GPR180: variants seen among roughly 807,000 people sequenced by gnomAD.
The protein encoded by GPR180 is integral membrane protein GPR180.
GPR180 carries 53 observed loss-of-function variants against 52.6 expected under a neutral mutation model. That is an observed-to-expected ratio of 1.01 (90% CI 0.81 to 1.27). GPR180 has a LOEUF of 1.27. GPR180 is among the 50% of genes most tolerant of loss of function. The pLI is 0.00. For missense variants in GPR180, 533 were observed against 527.0 expected, an observed-to-expected ratio of 1.01 and a Z score of -0.11; for synonymous variants, 200 against 193.1, an observed-to-expected ratio of 1.04 and a Z score of -0.30.
At chr13:94,624,305 C>T (rs945278772) in intron 7 of GPR180, among the ~76,000 whole-genome samples, 2 of 152,192 alleles carry the variant, frequency 1.3e-5, no homozygotes, top group Non-Finnish European at 2.9e-5. Flanking sequence ...TTCAGGCAGC[C>T]CACCTTGTCC....
rs1322821161 is a variant in GPR180 at position 94,628,381 on chromosome 13, T to C, written c.*1210T>C. The C allele has an allele frequency of 6.6e-6, 1 of 152,090 alleles. No homozygotes were observed. The highest frequency in any genetic ancestry group is 1.5e-5 in the Non-Finnish European group (1 of 67,926). 9.4% of individuals were successfully genotyped at this position (152,090 alleles called of 1,614,324 possible). A position where few individuals can be genotyped will look rare whatever the true frequency, so the allele number is the denominator to read the frequency against. The stretch of plus-strand genomic sequence containing the variant: ...GATTGGAAATTATTCTGTTGCTGTT[T>C]GTCAAGCTGTTCAGGCCTTTTCCTT... On this transcript the variant is annotated 3_prime_UTR_variant, in exon 9 of 9. Transcript: ENST00000376958.
intron 2 of GPR180, among the ~76,000 whole-genome samples, chr13:94,609,568 T>C (rs1296667361): frequency 1.3e-5 from 2 of 152,106 alleles, no homozygotes; most frequent in African/African-American, 2.4e-5. Flanking sequence ...GGGCAAATGA[T>C]AAAAATGGCA....
At chr13:94,609,528 GT>G (rs1447398283) in intron 2 of GPR180, among the ~76,000 whole-genome samples, 1 of 151,790 alleles carries the variant, frequency 6.6e-6, no homozygotes, top group Non-Finnish European at 1.5e-5. Flanking sequence ...AAAAGTGTGG[GT>G]TTTTTTTATA....
At chr13:94,603,936 CT>C (rs891958822) in intron 1 of GPR180, among the ~76,000 whole-genome samples, 21 of 151,544 alleles carry the variant, frequency 1.4e-4, no homozygotes, top group African/African-American at 4.6e-4. Context: ...TCTGAAAGTT[CT>C]TTTTTTTTAA....
At chr13:94,611,852 C>T (rs1239310851) in intron 2 of GPR180, among the ~76,000 whole-genome samples, 1 of 151,352 alleles carries the variant, frequency 6.6e-6, no homozygotes, top group Non-Finnish European at 1.5e-5. Flanking sequence ...GAGGAGGCCC[C>T]TCCCATCGCT....
chr13:94,605,597 C>T, intron 2 of GPR180, 48 bp downstream of exon 2: 1 of 1,512,890 alleles, frequency 6.6e-7, no homozygotes, highest in East Asian at 2.3e-5. Context: ...TTTTTTTCCT[C>T]CTAATGTTGA....
At chr13:94,626,450 G>A (rs554753202) in intron 8 of GPR180, among the ~76,000 whole-genome samples, 1 of 152,150 alleles carries the variant, frequency 6.6e-6, no homozygotes, top group Non-Finnish European at 1.5e-5. Flanking sequence ...TTTTGATTGT[G>A]TTGATACCTA....
intron 3 of GPR180, 40 bp from the exon 4 acceptor site, chr13:94,619,110 T>A: frequency 6.5e-7 from 1 of 1,547,972 alleles, no homozygotes; most frequent in Non-Finnish European, 8.8e-7. Context: ...GATAACTGGC[T>A]TTGTTTTACT....
intron 7 of GPR180, among the ~76,000 whole-genome samples, chr13:94,625,752 G>A (rs1257782564): frequency 1.3e-5 from 2 of 152,014 alleles, no homozygotes; most frequent in Non-Finnish European, 1.5e-5. Flanking sequence ...ATAAACATAA[G>A]ATTATAAATA....
At chr13:94,625,561 A>G (rs1449426965) in intron 7 of GPR180, among the ~76,000 whole-genome samples, 6 of 152,158 alleles carry the variant, frequency 3.9e-5, no homozygotes, top group Admixed American at 2.6e-4. Context: ...ACAGGTAACG[A>G]CTATTAATGT....
chr13:94,626,129 ATTT>A, intron 8 of GPR180, 86 bp downstream of exon 8: 1 of 828,408 alleles, frequency 1.2e-6, no homozygotes, highest in African/African-American at 1.7e-5. Flanking sequence ...GGACCTATTT[ATTT>A]TTTAAGACAT....
intron 2 of GPR180, among the ~76,000 whole-genome samples, chr13:94,609,514 T>C (rs1364976367): frequency 6.6e-6 from 1 of 152,150 alleles, no homozygotes; most frequent in East Asian, 1.9e-4. Context: ...AAAAATATAT[T>C]GGTAAAAGTG....
At chr13:94,617,037 T>C (rs1286221549) in intron 3 of GPR180, among the ~76,000 whole-genome samples, 2 of 152,226 alleles carry the variant, frequency 1.3e-5, no homozygotes, top group Non-Finnish European at 2.9e-5. Context: ...TAGCTTTTTC[T>C]GGAAGATTAT....
intron 2 of GPR180, among the ~76,000 whole-genome samples, chr13:94,607,732 T>A (rs939611610): frequency 1.3e-5 from 2 of 152,192 alleles, no homozygotes; most frequent in South Asian, 4.1e-4. Context: ...CAAAATGTCC[T>A]TAAGGCTGGT....
intron 1 of GPR180, among the ~76,000 whole-genome samples, chr13:94,604,345 A>C (rs150711482): frequency 1.3e-4 from 2 of 15,318 alleles, no homozygotes; most frequent in African/African-American, 4.1e-3. Context: ...AAAATAAATT[A>C]AAAAAAAAAA....
At chr13:94,604,242 G>T (rs1889599954) in intron 1 of GPR180, among the ~76,000 whole-genome samples, 1 of 152,252 alleles carries the variant, frequency 6.6e-6, no homozygotes, top group Middle Eastern at 3.4e-3. Flanking sequence ...GGTGAGGCAG[G>T]AGAATCGCTT....
chr13:94,606,775 A>T (rs1274271258), intron 2 of GPR180, among the ~76,000 whole-genome samples: 1 of 152,218 alleles, frequency 6.6e-6, no homozygotes, highest in Non-Finnish European at 1.5e-5. Flanking sequence ...AGTCCTTGCC[A>T]CCCATTGTGG....
intron 2 of GPR180, among the ~76,000 whole-genome samples, chr13:94,607,855 C>T (rs1291148481): frequency 6.6e-6 from 1 of 152,090 alleles, no homozygotes; most frequent in African/African-American, 2.4e-5. Context: ...GATGATACCC[C>T]GGTGCTTAGT....
At chr13:94,604,124 A>G (rs1258588973) in intron 1 of GPR180, among the ~76,000 whole-genome samples, 1 of 152,078 alleles carries the variant, frequency 6.6e-6, no homozygotes, top group Non-Finnish European at 1.5e-5. Flanking sequence ...ACCTGAGGTC[A>G]GGAGTTAAAG....
Sources: gnomAD v4.1 joint callset for allele counts (sites outside exome capture counted in the v4.1 genomes callset) on GRCh38, gnomAD v4.1.1 for gene constraint, MANE v1.5 for transcripts, NCBI Gene and HGNC (gene_info 2026-07-23, HGNC 2026-07-21) for gene names.